TMEM165: variants seen among roughly 807,000 people sequenced by gnomAD.
TMEM165 encodes putative divalent cation/proton antiporter TMEM165.
In TMEM165, 19 loss-of-function variants were observed where a neutral mutation model predicts 30.0. That is an observed-to-expected ratio of 0.63 (90% CI 0.44 to 0.93). The LOEUF (loss-of-function observed/expected upper bound fraction) is 0.93. TMEM165 is among the 40% of genes least tolerant of loss of function. TMEM165 has a pLI of 0.00. For synonymous variants in TMEM165, 168 were observed against 162.9 expected, an observed-to-expected ratio of 1.03 and a Z score of -0.24; for missense variants, 340 against 417.0, an observed-to-expected ratio of 0.82 and a Z score of 1.61.
chr4:55,449,887 C>T (rs369336893), intron 3 of TMEM165, among the ~76,000 whole-genome samples: 15 of 152,292 alleles, frequency 9.8e-5, no homozygotes, highest in African/African-American at 3.4e-4. Flanking sequence ...TTACCACCTA[C>T]ACATTTTAAT....
intron 3 of TMEM165, among the ~76,000 whole-genome samples, chr4:55,439,855 G>C (rs1197026662): frequency 6.6e-6 from 1 of 152,076 alleles, no homozygotes; most frequent in Non-Finnish European, 1.5e-5. Context: ...GAGAAGAATG[G>C]GGACTTGTAT....
At position 55,412,167 on chromosome 4, in the gene TMEM165, G is replaced by T. The variant is rs1721530645; in HGVS notation, c.433+328G>T. On this transcript the variant is annotated intron_variant, in intron 2 of 5. Transcript: ENST00000381334. Reference sequence around the variant, plus strand: ...CCCAGCACTTTGGGAGGCCGAAGTGGACAGATCACGAGGTCAGGAGTTCCG... The same window carrying T: ...CCCAGCACTTTGGGAGGCCGAAGTGTACAGATCACGAGGTCAGGAGTTCCG... 8.6e-6 allele frequency: 3 copies of T among 349,232 alleles called. No homozygotes were observed. The Admixed American group carries it at 1.4e-4, about 16-fold the overall frequency. The allele number at this position is 349,232 out of a possible 1,614,324, so 21.6% of individuals were successfully genotyped here. A position where few individuals can be genotyped will look rare whatever the true frequency, so the allele number is the denominator to read the frequency against.
At chr4:55,424,119 G>A (rs1722101502) in intron 4 of TMEM165, 1 of 157,124 alleles carries the variant, frequency 6.4e-6, no homozygotes, top group Admixed American at 6.4e-5. Context: ...CCAGGAAGCA[G>A]AGGCATACTA....
At chr4:55,400,328 TA>T (rs1199764089) in intron 1 of TMEM165, among the ~76,000 whole-genome samples, 2 of 77,656 alleles carry the variant, frequency 2.6e-5, no homozygotes, top group Admixed American at 2.1e-4. Context: ...CTGTATTATA[TA>T]TAATATAATA....
intron 4 of TMEM165, among the ~76,000 whole-genome samples, chr4:55,419,901 C>T (rs1385184079): frequency 6.6e-6 from 1 of 151,302 alleles, no homozygotes; most frequent in African/African-American, 2.4e-5. Context: ...CTCTGATTTT[C>T]ATTTGATTCT....
intron 3 of TMEM165, chr4:55,442,143 T>C (rs1723422715): frequency 5.8e-6 from 2 of 345,184 alleles, no homozygotes; most frequent in African/African-American, 4.2e-5. Context: ...AGCTTCACAG[T>C]GACACAGAGC....
At chr4:55,430,250 C>T (rs1374862303), downstream of TMEM165, 1 of 152,122 alleles carries the variant, frequency 6.6e-6, no homozygotes, top group African/African-American at 2.4e-5. Context: ...AGTTGTCTCT[C>T]CATAAACTAT....
chr4:55,444,495 G>C, intron 3 of TMEM165: 2 of 985,360 alleles, frequency 2.0e-6, no homozygotes, highest in East Asian at 4.9e-5. Flanking sequence ...ATACTGAGTA[G>C]GTAACCAGTG....
intron 1 of TMEM165, among the ~76,000 whole-genome samples, chr4:55,406,082 G>A (rs941441775): frequency 6.6e-6 from 1 of 152,156 alleles, no homozygotes; most frequent in Non-Finnish European, 1.5e-5. Context: ...CTTCCCAGGA[G>A]GCTTATGAAA....
downstream of TMEM165, chr4:55,430,106 AC>A (rs1285657366): frequency 2.0e-5 from 3 of 152,168 alleles, no homozygotes; most frequent in African/African-American, 7.2e-5. Context: ...TTATTCAAGA[AC>A]CCCAGAGAAC....
At chr4:55,419,127 A>C (rs987243934) in intron 4 of TMEM165, among the ~76,000 whole-genome samples, 1 of 152,264 alleles carries the variant, frequency 6.6e-6, no homozygotes, top group South Asian at 2.1e-4. Flanking sequence ...GTGCTTATCT[A>C]TCGTTGCGTA....
intron 3 of TMEM165, among the ~76,000 whole-genome samples, chr4:55,437,537 G>A (rs1722982418): frequency 6.6e-6 from 1 of 152,100 alleles, no homozygotes; most frequent in South Asian, 2.1e-4. Context: ...TCTATATTTT[G>A]GCTAATCCAA....
At chr4:55,412,967 TTTTATTTA>T (rs906081971) in intron 2 of TMEM165, among the ~76,000 whole-genome samples, 1 of 151,844 alleles carries the variant, frequency 6.6e-6, no homozygotes, top group African/African-American at 2.4e-5. Flanking sequence ...TAGGGCTATT[TTTTATTTA>T]TTTATTTATT....
chr4:55,447,605 T>C lies in TMEM165; in HGVS notation c.409-4634T>C, dbSNP rs145898820. On this transcript the variant is annotated intron_variant, in intron 3 of 3. Coordinates refer to the TMEM165 transcript ENST00000608091. ...CAAAATGTGAGACATGAATGCTTAC[T>C]AACATTTTTGACATAGTAGGTATCC... 3.4e-3 allele frequency among the ~76,000 whole-genome samples: 516 copies of C among 152,310 alleles called. 2 individuals carry two copies. Among genetic ancestry groups the C allele is most frequent in the African/African-American group, 0.011 (471 of 41,566 alleles).
intron 2 of TMEM165, among the ~76,000 whole-genome samples, chr4:55,414,224 T>C (rs7669259): frequency 0.82 from 123,509 of 150,746 alleles, 50,759 homozygotes; most frequent in East Asian, 0.98. Context: ...GAGCCGAGAT[T>C]GTGCCACTGC....
rs372893311 is a variant in TMEM165, at chr4:55,417,240, A to G, written c.602A>G (p.Asp201Gly). The G allele has an allele frequency of 4.8e-5, 78 of 1,612,434 alleles. No homozygotes were observed. The Middle Eastern group carries it at 8.3e-4, about 17-fold the overall frequency. ...GTTCAAGCTGAATTAAAGAAGAAAG[A>G]TGAAGAAGTAAGCCATGGCACTGTT... ...EEVQAELKKK[D>G]EEFQRTKLLN... Residue 201 changes from aspartate (D) to glycine (G), a missense_variant, in exon 3 of 6, where the codon GAT (aspartate) becomes GGT (glycine). By Grantham distance (94) the Asp-to-Gly change is moderately conservative. This residue lies in a region of TMEM165 where 220 missense variants were observed against 307.6 expected (regional missense o/e 0.72). Coordinates refer to ENST00000381334, the MANE Select transcript of TMEM165 (RefSeq NM_018475.5).
chr4:55,438,283 T>C lies in TMEM165; in HGVS notation c.408+13640T>C, dbSNP rs1207793973. On this transcript the variant is annotated intron_variant, in intron 3 of 3. Transcript: ENST00000608091. ...CAGCTTCCCCATGGGGAGAATTACCTGTAAAAATTGTTGCGGTGGCTGGGT... is the reference window on the plus strand; with the variant it reads ...CAGCTTCCCCATGGGGAGAATTACCCGTAAAAATTGTTGCGGTGGCTGGGT... 1.9e-6 allele frequency: 3 copies of C among 1,613,982 alleles called. No homozygotes were observed. In the Admixed American group the frequency reaches 5.0e-5, roughly 27 times the overall value.
intron 3 of TMEM165, chr4:55,450,095 AGGGTCTGAGAC>A: frequency 6.2e-7 from 1 of 1,614,138 alleles, no homozygotes; most frequent in Non-Finnish European, 8.5e-7. Context: ...ACTCACAGGA[AGGGTCTGAGAC>A]GGCCGTGTGA....
intron 4 of TMEM165, chr4:55,423,173 G>T (rs747482984): frequency 3.9e-5 from 6 of 152,234 alleles, no homozygotes; most frequent in Non-Finnish European, 5.9e-5. Context: ...GGCCTCAAGT[G>T]ATCCTTCTGC....
Sources: gnomAD v4.1 joint callset for allele counts (sites outside exome capture counted in the v4.1 genomes callset) on GRCh38, gnomAD v4.1.1 for gene constraint, gnomAD v4.1.1 regional missense constraint, MANE v1.5 for transcripts, NCBI Gene and HGNC (gene_info 2026-07-23, HGNC 2026-07-21) for gene names.